TMEM242: variants seen among roughly 807,000 people sequenced by gnomAD.
TMEM242 encodes UPF0463 transmembrane protein C6orf35.
TMEM242 carries 10 observed loss-of-function variants against 18.2 expected under a neutral mutation model. That is an observed-to-expected ratio of 0.55 (90% CI 0.34 to 0.93). The LOEUF is 0.93. Among genes scored for constraint, TMEM242 ranks in the 40% least tolerant of loss-of-function variants. The pLI, the probability that TMEM242 is intolerant of heterozygous loss-of-function variation, is 0.02. For missense variants in TMEM242, 186 were observed against 175.5 expected, an observed-to-expected ratio of 1.06 and a Z score of -0.34; for synonymous variants, 57 against 69.9, an observed-to-expected ratio of 0.81 and a Z score of 0.92.
At chr6:157,312,621 A>G in intron 3 of TMEM242, among the ~76,000 whole-genome samples, 1 of 151,142 alleles carries the variant, frequency 6.6e-6, no homozygotes, top group Admixed American at 6.6e-5. Flanking sequence ...TAGCCTCACC[A>G]TAGTGTCGCA....
intron 3 of TMEM242, among the ~76,000 whole-genome samples, chr6:157,301,323 C>CTT (rs200310721): frequency 1.3e-4 from 19 of 147,976 alleles, no homozygotes; most frequent in Non-Finnish European, 2.4e-4. Context: ...AAAGCTATTA[C>CTT]TTTTTTTTTT....
At position 157,309,421 on chromosome 6, in the gene TMEM242, C is replaced by T. The variant is rs4461759; in HGVS notation, c.327+9361G>A. Among the ~76,000 whole-genome samples, 16 of 152,082 alleles carry T rather than the reference C, an allele frequency of 1.1e-4. No individual in the cohort carries two copies. In the South Asian group the frequency reaches 1.7e-3, roughly 16 times the overall value. ...GTTTGTTTTTAAACAGGGTCTCTGT[C>T]ACCTAGGCTGGAGTGCAGTGGTGTG... On this transcript the variant is annotated intron_variant, in intron 3 of 3. Coordinates refer to ENST00000400788, the MANE Select transcript of TMEM242 (RefSeq NM_018452.6).
At chr6:157,310,447 C>G (rs1583562227) in intron 3 of TMEM242, among the ~76,000 whole-genome samples, 1 of 147,970 alleles carries the variant, frequency 6.8e-6, no homozygotes, top group Non-Finnish European at 1.5e-5. Flanking sequence ...AGTGTGCACT[C>G]ACCTAGCCTC....
At chr6:157,306,992 T>G (rs1024732812) in intron 3 of TMEM242, among the ~76,000 whole-genome samples, 15 of 152,230 alleles carry the variant, frequency 9.9e-5, no homozygotes, top group African/African-American at 3.4e-4. Flanking sequence ...AGAACATCAT[T>G]TTCTGATATA....
chr6:157,306,736 A>G (rs1188484090), intron 3 of TMEM242, among the ~76,000 whole-genome samples: 1 of 152,244 alleles, frequency 6.6e-6, no homozygotes, highest in Non-Finnish European at 1.5e-5. Context: ...TAAGTGGGAC[A>G]GTCGGAAGTT....
chr6:157,293,135 G>T, intron 3 of TMEM242, 136 bp from the exon 4 acceptor site: 1 of 596,470 alleles, frequency 1.7e-6, no homozygotes, highest in Non-Finnish European at 3.0e-6. Flanking sequence ...TAAAAGATAG[G>T]GACTATATAT....
At chr6:157,299,527 G>T in intron 3 of TMEM242, 1 of 1,471,472 alleles carries the variant, frequency 6.8e-7, no homozygotes, top group Non-Finnish European at 9.5e-7. Flanking sequence ...GATTACAGCC[G>T]CTTCCAATAA....
At position 157,311,870 on chromosome 6, in the gene TMEM242, AG is replaced by A. The variant is rs1554249024; in HGVS notation, c.327+6911del. Among the ~76,000 whole-genome samples, 10 of 68,056 alleles carry A rather than the reference AG, an allele frequency of 1.5e-4. 1 individual carries two copies. Among genetic ancestry groups the A allele is most frequent in the Non-Finnish European group, 1.8e-4 (6 of 33,872 alleles). The allele number at this position is 68,056 out of a possible 152,430, so 44.6% of individuals were successfully genotyped here. A position where few individuals can be genotyped will look rare whatever the true frequency, so the allele number is the denominator to read the frequency against. The stretch of plus-strand genomic sequence containing the variant: ...ATAGTGTCCCAGTGTGCGCTCACCT[AG>A]CCTCATCATAGTGTTCCAGTGTGCG... On this transcript the variant is annotated intron_variant, in intron 3 of 3. Coordinates refer to ENST00000400788, the MANE Select transcript of TMEM242 (RefSeq NM_018452.6).
At chr6:157,312,913 CACCCGGCA>C (rs1778227953) in intron 3 of TMEM242, among the ~76,000 whole-genome samples, 1 of 49,374 alleles carries the variant, frequency 2.0e-5, no homozygotes, top group African/African-American at 7.6e-5. Flanking sequence ...ACTGTGCGCT[CACCCGGCA>C]TCATCATAGT....
chr6:157,312,526 C>T (rs1778194504), intron 3 of TMEM242, among the ~76,000 whole-genome samples: 2 of 147,810 alleles, frequency 1.4e-5, no homozygotes, highest in Admixed American at 6.7e-5. Flanking sequence ...ATCATACCGC[C>T]CCAGTGTGCA....
Position 157,292,085 on chromosome 6 carries a change from T to G in TMEM242, c.*816A>C, listed in dbSNP as rs1554246854. 6.6e-6 allele frequency: 1 copy of G among 152,192 alleles called. No homozygotes were observed. Among genetic ancestry groups the G allele is most frequent in the East Asian group, 1.9e-4 (1 of 5,200 alleles). 9.4% of individuals were successfully genotyped at this position (152,192 alleles called of 1,614,324 possible). A position where few individuals can be genotyped will look rare whatever the true frequency, so the allele number is the denominator to read the frequency against. The stretch of plus-strand genomic sequence containing the variant: ...AATACTTTATATTGGGACTCCGTAC[T>G]CAGGTGACTTTCTGGTTAAAAATAT... On this transcript the variant is annotated 3_prime_UTR_variant, in exon 4 of 4. Transcript: ENST00000400788.
intron 3 of TMEM242, among the ~76,000 whole-genome samples, chr6:157,294,423 T>C (rs1414206243): frequency 2.1e-5 from 3 of 143,872 alleles, no homozygotes; most frequent in Admixed American, 7.3e-5. Flanking sequence ...GGATCTCGGC[T>C]CACTGCAAGC....
intron 3 of TMEM242, among the ~76,000 whole-genome samples, chr6:157,312,521 A>AGTG (rs1562384976): frequency 1.4e-5 from 2 of 146,542 alleles, no homozygotes; most frequent in Non-Finnish European, 3.0e-5. Context: ...GCCTCATCAT[A>AGTG]CCGCCCCAGT....
At chr6:157,298,044 C>G (rs1280585225) in intron 3 of TMEM242, among the ~76,000 whole-genome samples, 3 of 152,134 alleles carry the variant, frequency 2.0e-5, no homozygotes, top group Admixed American at 2.0e-4. Context: ...CTGAAGTATG[C>G]ATCAAAATGG....
chr6:157,299,837 A>G, intron 3 of TMEM242: 2 of 1,611,386 alleles, frequency 1.2e-6, no homozygotes, highest in Non-Finnish European at 1.7e-6. Context: ...CTCACCCTTC[A>G]GTTTGCCTTC....
intron 3 of TMEM242, among the ~76,000 whole-genome samples, chr6:157,304,906 G>C (rs111504807): frequency 0.033 from 5,056 of 152,174 alleles, 291 homozygotes; most frequent in African/African-American, 0.12. Context: ...GCCCTAGGCA[G>C]GAACAGCCCT....
rs1777798986 is a variant in TMEM242 at position 157,299,543 on chromosome 6, T to G, written c.328-6544A>C. ...ATTACAGCCGCTTCCAATAACACGGTTTTTGGAAAATGCACTCAACTTCCA... is the reference window on the plus strand; with the variant it reads ...ATTACAGCCGCTTCCAATAACACGGGTTTTGGAAAATGCACTCAACTTCCA... On this transcript the variant is annotated intron_variant, in intron 3 of 3. Transcript: ENST00000400788. The G allele has an allele frequency of 2.7e-6, 4 of 1,503,850 alleles. No homozygotes were observed. The Admixed American group carries it at 5.1e-5, about 19-fold the overall frequency. 93.2% of individuals were successfully genotyped at this position (1,503,850 alleles called of 1,614,324 possible). A position where few individuals can be genotyped will look rare whatever the true frequency, so the allele number is the denominator to read the frequency against.
chr6:157,311,286 A>T (rs797029240), intron 3 of TMEM242, among the ~76,000 whole-genome samples: 75 of 4,962 alleles, frequency 0.015, 1 homozygote, highest in East Asian at 0.056. Flanking sequence ...CCGTGTGCAC[A>T]CACCGAGCCT....
chr6:157,310,996 A>G (rs868957614), intron 3 of TMEM242, among the ~76,000 whole-genome samples: 35 of 906 alleles, frequency 0.039, 3 homozygotes, highest in Non-Finnish European at 0.044. Context: ...GCGCTAACCT[A>G]GCCTCCCCAG....
Sources: gnomAD v4.1 joint callset for allele counts (sites outside exome capture counted in the v4.1 genomes callset) on GRCh38, gnomAD v4.1.1 for gene constraint, MANE v1.5 for transcripts, NCBI Gene and HGNC (gene_info 2026-07-23, HGNC 2026-07-21) for gene names.